STEAP1B: variants seen among roughly 807,000 people sequenced by gnomAD.
STEAP1B encodes the protein STEAP family protein MGC87042.
A neutral mutation model predicts 27.9 loss-of-function variants in STEAP1B; 13 were observed. The observed-to-expected ratio is 0.47, with a 90% CI of 0.30 to 0.74. The LOEUF is 0.74. Ranked by LOEUF, STEAP1B falls within the 30% of genes least tolerant of loss-of-function variation. The pLI is 0.06. For synonymous variants in STEAP1B, 86 were observed against 107.1 expected (o/e 0.80, Z 1.22); for missense variants, 250 against 298.7 (o/e 0.84, Z 1.20).
intron 4 of STEAP1B, among the ~76,000 whole-genome samples, chr7:22,443,538 A>G (rs1462308216): frequency 1.3e-5 from 2 of 152,232 alleles, no homozygotes; most frequent in African/African-American, 2.4e-5. Context: ...CGTTAAAGCA[A>G]TCTATCCTAT....
chr7:22,444,735 G>A (rs530839808), intron 4 of STEAP1B, among the ~76,000 whole-genome samples: 4 of 152,332 alleles, frequency 2.6e-5, no homozygotes, highest in East Asian at 3.9e-4. Flanking sequence ...AACCCTTTCC[G>A]GAACACTTGC....
chr7:22,438,280 T>A, intron 4 of STEAP1B: 1 of 551,938 alleles, frequency 1.8e-6, no homozygotes, highest in Non-Finnish European at 3.1e-6. Context: ...CTGAAATACT[T>A]CCAGTATATG....
chr7:22,452,338 G>C (rs1785504181), intron 4 of STEAP1B, among the ~76,000 whole-genome samples: 1 of 152,098 alleles, frequency 6.6e-6, no homozygotes, highest in African/African-American at 2.4e-5. Context: ...GCTCATATTT[G>C]TGTGAGAAAC....
At position 22,457,061 on chromosome 7, in the gene STEAP1B, G is replaced by A. The variant is rs532428209; in HGVS notation, c.762+35504C>T. On this transcript the variant is annotated intron_variant, in intron 4 of 4. Coordinates refer to ENST00000678116, the MANE Select transcript of STEAP1B (RefSeq NM_001382447.1). ...CTACAGCAATGTGAAGCTGGACAGC[G>A]TCTTCCAAACATTAACCCTGAAGTC... is the stretch of plus-strand genomic sequence containing the variant. Among the ~76,000 whole-genome samples, 9 of 148,554 alleles carry A rather than the reference G, an allele frequency of 6.1e-5. 2 individuals carry two copies. In the South Asian group the frequency reaches 1.3e-3, roughly 22 times the overall value.
chr7:22,495,590 C>G (rs979759512), intron 1 of STEAP1B: 21 of 152,252 alleles, frequency 1.4e-4, no homozygotes, highest in African/African-American at 5.1e-4. Flanking sequence ...GGAAAGAAAA[C>G]ATATGTCACA....
chr7:22,450,114 G>C (rs751885321), intron 4 of STEAP1B, among the ~76,000 whole-genome samples: 1 of 152,086 alleles, frequency 6.6e-6, no homozygotes, highest in Non-Finnish European at 1.5e-5. Flanking sequence ...GTCCTTTGCA[G>C]TACAGAAGCT....
rs140858742 is a variant in STEAP1B, at chr7:22,482,139, T to G, written c.762+10426A>C. 2.1e-3 allele frequency among the ~76,000 whole-genome samples: 315 copies of G among 152,198 alleles called. 1 individual carries two copies. Among genetic ancestry groups the G allele is most frequent in the Non-Finnish European group, 3.9e-3 (262 of 68,006 alleles). On this transcript the variant is annotated intron_variant, in intron 4 of 4. Coordinates refer to ENST00000678116, the MANE Select transcript of STEAP1B (RefSeq NM_001382447.1). ...AGTACAGGCATCTCACCAAGTAGCTTTGAACAAAGGGGACTGAGTGGCTCG... is the reference window on the plus strand; with the variant it reads ...AGTACAGGCATCTCACCAAGTAGCTGTGAACAAAGGGGACTGAGTGGCTCG...
At chr7:22,456,972 A>ATATATATATATATATTTTTTTTT in intron 4 of STEAP1B, among the ~76,000 whole-genome samples, 2 of 57,080 alleles carry the variant, frequency 3.5e-5, no homozygotes, top group African/African-American at 7.0e-5. Flanking sequence ...ATATATATAT[A>ATATATATATATATATTTTTTTTT]TTTTTTTTTT....
intron 4 of STEAP1B, among the ~76,000 whole-genome samples, chr7:22,444,273 C>T (rs1338967299): frequency 6.6e-6 from 1 of 152,214 alleles, no homozygotes; most frequent in Non-Finnish European, 1.5e-5. Context: ...AATGAGATAA[C>T]ATATGGAAAG....
chr7:22,473,428 C>T (rs1369733061), intron 4 of STEAP1B, among the ~76,000 whole-genome samples: 1 of 152,202 alleles, frequency 6.6e-6, no homozygotes, highest in African/African-American at 2.4e-5. Flanking sequence ...TGAGAAAGCA[C>T]ACAAGATTTT....
At chr7:22,491,998 T>G (rs1471728661) in intron 4 of STEAP1B, among the ~76,000 whole-genome samples, 1 of 151,994 alleles carries the variant, frequency 6.6e-6, no homozygotes, top group African/African-American at 2.4e-5. Context: ...ATTCAGTGAT[T>G]CAGGTGGAGA....
chr7:22,456,938 G>A (rs1281436701), intron 4 of STEAP1B, among the ~76,000 whole-genome samples: 5 of 116,206 alleles, frequency 4.3e-5, no homozygotes, highest in Middle Eastern at 5.2e-3. Flanking sequence ...TCAGAATGGG[G>A]GTGGGATAGG....
At chr7:22,468,114 C>T (rs894920998) in intron 4 of STEAP1B, among the ~76,000 whole-genome samples, 15 of 152,042 alleles carry the variant, frequency 9.9e-5, no homozygotes, top group African/African-American at 3.6e-4. Flanking sequence ...TTTTTATTTG[C>T]TAAATTCAAA....
chr7:22,444,203 C>CCTCTG (rs1180818366), intron 4 of STEAP1B, among the ~76,000 whole-genome samples: 3 of 152,192 alleles, frequency 2.0e-5, no homozygotes, highest in Non-Finnish European at 4.4e-5. Flanking sequence ...GCCTCAGTTT[C>CCTCTG]CTCTGCTGCA....
At chr7:22,426,513 ATAAGT>A (rs1220848189) in intron 4 of STEAP1B, among the ~76,000 whole-genome samples, 2 of 152,232 alleles carry the variant, frequency 1.3e-5, no homozygotes, top group Non-Finnish European at 2.9e-5. Flanking sequence ...CCCCAACTTC[ATAAGT>A]TAAGTTAGAT....
intron 4 of STEAP1B, among the ~76,000 whole-genome samples, chr7:22,424,203 T>G (rs1348090798): frequency 1.3e-5 from 2 of 152,110 alleles, no homozygotes; most frequent in Non-Finnish European, 2.9e-5. Context: ...TTACACATTG[T>G]AACACAAAAT....
intron 4 of STEAP1B, among the ~76,000 whole-genome samples, chr7:22,443,015 T>A (rs1349604868): frequency 6.6e-6 from 1 of 152,162 alleles, no homozygotes; most frequent in Non-Finnish European, 1.5e-5. Context: ...GGACAGCCAG[T>A]GTGCTTCAGT....
intron 4 of STEAP1B, among the ~76,000 whole-genome samples, chr7:22,458,414 G>A (rs1785623488): frequency 6.6e-6 from 1 of 152,206 alleles, no homozygotes; most frequent in Non-Finnish European, 1.5e-5. Flanking sequence ...GAGAGGTGGA[G>A]TCGAAGGTGG....
In STEAP1B at chr7:22,494,767, T is replaced by C; in HGVS notation, c.84+5A>G. Reference sequence around the variant, plus strand: ...TATTTATTATTGTCATTATTAATATTTTACCAAATAATCGTTGTCTTCTAA... The same window carrying C: ...TATTTATTATTGTCATTATTAATATCTTACCAAATAATCGTTGTCTTCTAA... On this transcript the variant is annotated splice_donor_5th_base_variant and intron_variant, in intron 2 of 4. Coordinates refer to ENST00000678116, the MANE Select transcript of STEAP1B (RefSeq NM_001382447.1). 1 of 1,478,310 alleles carries C rather than the reference T, an allele frequency of 6.8e-7. No homozygotes were observed. The highest frequency in any genetic ancestry group is 1.2e-5 in the South Asian group (1 of 80,782). 91.6% of individuals were successfully genotyped at this position (1,478,310 alleles called of 1,614,324 possible).
Sources: gnomAD v4.1 joint callset for allele counts (sites outside exome capture counted in the v4.1 genomes callset) on GRCh38, gnomAD v4.1.1 for gene constraint, MANE v1.5 for transcripts, NCBI Gene and HGNC (gene_info 2026-07-23, HGNC 2026-07-21) for gene names.